Variants in RASGRP3 observed in about 807,000 individuals in gnomAD.
RASGRP3 encodes RAS guanyl releasing protein 3, also known as ras guanyl-releasing protein 3.
In RASGRP3, 54 loss-of-function variants were observed where a neutral mutation model predicts 82.7. That is an observed-to-expected ratio of 0.65 (90% confidence interval 0.52 to 0.82). The LOEUF is 0.82. Ranked by LOEUF, RASGRP3 falls within the 40% of genes least tolerant of loss-of-function variation. RASGRP3 has a pLI of 0.00. For missense variants in RASGRP3, 861 were observed against 828.9 expected, an observed-to-expected ratio of 1.04 and a Z score of -0.48; for synonymous variants, 309 against 300.5, an observed-to-expected ratio of 1.03 and a Z score of -0.29.
chr2:33,501,361 A>C (rs1669862350), intron 1 of RASGRP3, among the ~76,000 whole-genome samples: 1 of 152,196 alleles, frequency 6.6e-6, no homozygotes, highest in Non-Finnish European at 1.5e-5. Flanking sequence ...CTTTGGGGAA[A>C]TTATGAATAA....
chr2:33,549,869 G>A lies in RASGRP3; in HGVS notation c.1542+118G>A, dbSNP rs909559356. ...GTCTGCTTTGAATCAGAAGTAAAATGTGATGGCTCCCTGAAATTGAAGATT... is the reference window on the plus strand; with the variant it reads ...GTCTGCTTTGAATCAGAAGTAAAATATGATGGCTCCCTGAAATTGAAGATT... On this transcript the variant is annotated intron_variant, in intron 14 of 17. Coordinates refer to ENST00000403687, the MANE Select transcript of RASGRP3 (RefSeq NM_001139488.2). 4 of 1,217,110 alleles carry A rather than the reference G, an allele frequency of 3.3e-6. No homozygotes were observed. In the African/African-American group the frequency reaches 4.6e-5, roughly 14 times the overall value. 75.4% of individuals were successfully genotyped at this position (1,217,110 alleles called of 1,614,324 possible). A position where few individuals can be genotyped will look rare whatever the true frequency, so the allele number is the denominator to read the frequency against.
At chr2:33,448,113 C>T (rs961152739) in intron 2 of RASGRP3, among the ~76,000 whole-genome samples, 1 of 151,822 alleles carries the variant, frequency 6.6e-6, no homozygotes, top group Non-Finnish European at 1.5e-5. Context: ...ATGAAGCTGT[C>T]ACCAGTCTTG....
chr2:33,502,341 G>A (rs911706219), intron 1 of RASGRP3, among the ~76,000 whole-genome samples: 2 of 151,982 alleles, frequency 1.3e-5, no homozygotes, highest in African/African-American at 2.4e-5. Flanking sequence ...CACATGGTAG[G>A]TCAAGGGAAA....
intron 10 of RASGRP3, 175 bp from the exon 11 acceptor site, chr2:33,534,148 C>T (rs1281303187): frequency 4.8e-5 from 28 of 588,400 alleles, no homozygotes; most frequent in African/African-American, 3.7e-5. Context: ...CCAGGATTAA[C>T]GTTTTCTCTT....
intron 17 of RASGRP3, among the ~76,000 whole-genome samples, chr2:33,562,107 T>G (rs1676728962): frequency 6.6e-6 from 1 of 152,172 alleles, no homozygotes; most frequent in African/African-American, 2.4e-5. Flanking sequence ...CCTCTTGCAC[T>G]AATTTACACT....
chr2:33,453,064 A>G (rs961938883), intron 2 of RASGRP3, among the ~76,000 whole-genome samples: 2 of 152,074 alleles, frequency 1.3e-5, no homozygotes, highest in African/African-American at 2.4e-5. Context: ...TGGGGGAGGG[A>G]TGATATCAGT....
chr2:33,474,158 C>G (rs745961040), upstream of RASGRP3, among the ~76,000 whole-genome samples: 1 of 152,052 alleles, frequency 6.6e-6, no homozygotes, highest in African/African-American at 2.4e-5. Flanking sequence ...GGGACTCCTG[C>G]TTTACACTTA....
Position 33,563,606 on chromosome 2 carries a change from A to C in RASGRP3, c.*869A>C, listed in dbSNP as rs1029180104. 6.6e-6 allele frequency: 1 copy of C among 152,178 alleles called. No individual in the cohort carries two copies. Among genetic ancestry groups the C allele is most frequent in the African/African-American group, 2.4e-5 (1 of 41,456 alleles). The allele number at this position is 152,178 out of a possible 1,614,324, so 9.4% of individuals were successfully genotyped here. A position where few individuals can be genotyped will look rare whatever the true frequency, so the allele number is the denominator to read the frequency against. Reference sequence around the variant, plus strand: ...GTTTTGACGGTTAACATTTAGCAGAAAAACAAACCATTGAATAAGCTACTA... The same window carrying C: ...GTTTTGACGGTTAACATTTAGCAGACAAACAAACCATTGAATAAGCTACTA... On this transcript the variant is annotated 3_prime_UTR_variant, in exon 18 of 18. Coordinates refer to ENST00000403687, the MANE Select transcript of RASGRP3 (RefSeq NM_001139488.2).
chr2:33,557,887 T>A (rs1341869998), intron 15 of RASGRP3, among the ~76,000 whole-genome samples: 1 of 152,184 alleles, frequency 6.6e-6, no homozygotes, highest in South Asian at 2.1e-4. Context: ...CCCATTTGAT[T>A]TGCATTTAGT....
At chr2:33,551,448 A>C (rs1288372841) in intron 14 of RASGRP3, among the ~76,000 whole-genome samples, 2 of 152,204 alleles carry the variant, frequency 1.3e-5, no homozygotes, top group African/African-American at 2.4e-5. Flanking sequence ...CCCAGTAAAC[A>C]AAAGGTCAGG....
At chr2:33,504,701 C>A (rs1401266133) in intron 1 of RASGRP3, among the ~76,000 whole-genome samples, 2 of 152,190 alleles carry the variant, frequency 1.3e-5, no homozygotes, top group African/African-American at 4.8e-5. Context: ...CCAGGCTGTG[C>A]CTTCTGTTCA....
chr2:33,537,030 T>C (rs926561948), intron 11 of RASGRP3, among the ~76,000 whole-genome samples: 2 of 152,110 alleles, frequency 1.3e-5, no homozygotes, highest in African/African-American at 4.8e-5. Context: ...TGAGTCCTTG[T>C]CTGGCATCTA....
Position 33,539,152 on chromosome 2 carries a change from G to A in RASGRP3, c.1220G>A (p.Gly407Glu), listed in dbSNP as rs750398272. 6.2e-7 allele frequency: 1 copy of A among 1,612,230 alleles called. No homozygotes were observed. The highest frequency in any genetic ancestry group is 1.1e-5 in the South Asian group (1 of 90,442). ...GTGGTACCCCTGGAGTGGGCATTAGGGGTGATGCCAAAGCCAGACCCCACG... is the reference window on the plus strand; with the variant it reads ...GTGGTACCCCTGGAGTGGGCATTAGAGGTGATGCCAAAGCCAGACCCCACG... ...KPVVPLEWAL[G>E]VMPKPDPTVI... Residue 407 changes from glycine to glutamate, a missense_variant, in exon 12 of 18, where the codon GGG becomes GAG. Coordinates refer to ENST00000403687, the MANE Select transcript of RASGRP3 (RefSeq NM_001139488.2).
intron 2 of RASGRP3, among the ~76,000 whole-genome samples, chr2:33,470,856 A>C (rs938977760): frequency 3.9e-5 from 6 of 152,180 alleles, no homozygotes; most frequent in Non-Finnish European, 7.4e-5. Context: ...AGTTTGTTCT[A>C]TTGAGAAAAT....
chr2:33,549,767 G>A lies in RASGRP3; in HGVS notation c.1542+16G>A, dbSNP rs371212375. On this transcript the variant is annotated intron_variant, in intron 14 of 17. Coordinates refer to ENST00000403687, the MANE Select transcript of RASGRP3 (RefSeq NM_001139488.2). Reference sequence around the variant, plus strand: ...TGCGGGATTTGTAAGTCTGTTTTCCGTTGTTTTCTTATGTGTGTAGTTATT... The same window carrying A: ...TGCGGGATTTGTAAGTCTGTTTTCCATTGTTTTCTTATGTGTGTAGTTATT... The A allele has an allele frequency of 5.2e-5, 84 of 1,609,320 alleles. No homozygotes were observed. Among genetic ancestry groups the A allele is most frequent in the African/African-American group, 1.2e-4 (9 of 74,878 alleles).
At chr2:33,540,563 TGTGTGTGTGTGTGTG>T (rs1674185479) in intron 12 of RASGRP3, among the ~76,000 whole-genome samples, 1 of 27,378 alleles carries the variant, frequency 3.7e-5, no homozygotes, top group African/African-American at 2.1e-4. Context: ...GTTTTGTGTG[TGTGTGTGTGTGTGTG>T]TGTGTGTGTG....
intron 13 of RASGRP3, among the ~76,000 whole-genome samples, chr2:33,546,819 G>C (rs1674808569): frequency 6.6e-6 from 1 of 152,156 alleles, no homozygotes; most frequent in African/African-American, 2.4e-5. Flanking sequence ...TGTAATCCCA[G>C]CACTTTGGGA....
intron 2 of RASGRP3, among the ~76,000 whole-genome samples, chr2:33,513,293 A>G (rs992155712): frequency 6.6e-5 from 10 of 152,372 alleles, no homozygotes; most frequent in East Asian, 1.9e-4. Context: ...GTGCCTGGTG[A>G]ACAGACTCAT....
chr2:33,527,770 T>C (rs1672727316), intron 10 of RASGRP3, among the ~76,000 whole-genome samples: 1 of 152,168 alleles, frequency 6.6e-6, no homozygotes, highest in East Asian at 1.9e-4. Context: ...TGCTCCTCTT[T>C]ATCCTCACTG....
Sources: allele counts gnomAD v4.1 joint callset (sites outside exome capture counted in the v4.1 genomes callset), GRCh38; gene constraint gnomAD v4.1.1; transcripts MANE v1.5; gene names NCBI Gene and HGNC (gene_info 2026-07-23, HGNC 2026-07-21).